PCDH15: variants seen among roughly 807,000 people sequenced by gnomAD.
PCDH15 encodes protocadherin related 15.
Under a neutral mutation model 178.5 loss-of-function variants are expected in PCDH15, and 129 were observed. The observed-to-expected ratio is 0.72, with a 90% CI of 0.63 to 0.84. The LOEUF is 0.84. Ranked by LOEUF, PCDH15 falls within the 40% of genes least tolerant of loss-of-function variation. The pLI, the probability that PCDH15 is intolerant of heterozygous loss-of-function variation, is 0.00. For missense variants in PCDH15, 2,230 were observed against 2,099.9 expected (o/e 1.06, Z -1.21); for synonymous variants, 800 against 732.0 (o/e 1.09, Z -1.50).
At chr10:54,836,338 T>C (rs1169698046) in intron 3 of PCDH15, among the ~76,000 whole-genome samples, 1 of 152,156 alleles carries the variant, frequency 6.6e-6, no homozygotes, top group Non-Finnish European at 1.5e-5. Flanking sequence ...TTGTTTTTAG[T>C]ACATTTAATA....
At chr10:54,116,402 G>A (rs2095113873) in intron 15 of PCDH15, among the ~76,000 whole-genome samples, 2 of 152,158 alleles carry the variant, frequency 1.3e-5, no homozygotes, top group African/African-American at 4.8e-5. Context: ...CACAGAAATG[G>A]ATAAATTGCT....
At chr10:54,736,570 CTCTTCTTCA>C (rs1019301939) in intron 1 of PCDH15, among the ~76,000 whole-genome samples, 1 of 152,044 alleles carries the variant, frequency 6.6e-6, no homozygotes, top group East Asian at 1.9e-4. Context: ...CTAACAAAAA[CTCTTCTTCA>C]TCTCGGCAAA....
At chr10:55,043,096 T>G (rs1471719878) in intron 2 of PCDH15, among the ~76,000 whole-genome samples, 4 of 152,180 alleles carry the variant, frequency 2.6e-5, no homozygotes, top group Admixed American at 6.6e-5. Flanking sequence ...TCCTAAGGAA[T>G]GTTTTTAGAA....
chr10:54,426,370 C>A (rs1416898840), intron 3 of PCDH15, among the ~76,000 whole-genome samples: 1 of 152,244 alleles, frequency 6.6e-6, no homozygotes, highest in East Asian at 1.9e-4. Context: ...TCATAAGGAG[C>A]GTGCAACCTA....
chr10:54,025,824 G>C (rs542734205), intron 18 of PCDH15, among the ~76,000 whole-genome samples: 87 of 151,966 alleles, frequency 5.7e-4, no homozygotes, highest in African/African-American at 2.0e-3. Context: ...AGCCAGCAAT[G>C]GTGGTCAAGC....
In PCDH15 at chr10:55,402,538, T is replaced by C. The variant is rs77577598; in HGVS notation, c.-156+225087A>G. Among the ~76,000 whole-genome samples the C allele has an allele frequency of 7.9e-3, 1,201 of 152,122 alleles. 15 individuals are homozygous for C. Among genetic ancestry groups the C allele is most frequent in the African/African-American group, 0.026 (1,080 of 41,556 alleles). Reference sequence around the variant, plus strand: ...TCTCTCCAGCCTCTAATAACCATTATGCTACTCTCTACTCCACAAGTGAGA... The same window carrying C: ...TCTCTCCAGCCTCTAATAACCATTACGCTACTCTCTACTCCACAAGTGAGA... On this transcript the variant is annotated intron_variant, in intron 2 of 5. Coordinates refer to the PCDH15 transcript ENST00000613346.
intron 1 of PCDH15, among the ~76,000 whole-genome samples, chr10:55,280,509 G>C (rs1290921332): frequency 7.6e-6 from 1 of 132,136 alleles, no homozygotes; most frequent in African/African-American, 2.9e-5. Flanking sequence ...GGCTGCTCTT[G>C]AACTCCTGAC....
rs561867395 is a variant in PCDH15 at position 55,397,779 on chromosome 10, G to A, written c.-156+229846C>T. ...TTTTGTATTTCTAGTATAGATGGGG[G>A]TTTCACCATGTTGTTCAGGCTGGTC... On this transcript the variant is annotated intron_variant, in intron 2 of 5. Coordinates refer to the PCDH15 transcript ENST00000613346. Among the ~76,000 whole-genome samples, 11 of 151,728 alleles carry A rather than the reference G, an allele frequency of 7.2e-5. No individual in the cohort carries two copies. In the East Asian group the frequency reaches 1.8e-3, roughly 24 times the overall value.
At chr10:55,075,793 G>T (rs951296253) in intron 2 of PCDH15, among the ~76,000 whole-genome samples, 19 of 149,782 alleles carry the variant, frequency 1.3e-4, no homozygotes, top group African/African-American at 4.2e-4. Flanking sequence ...GATTTGTTTT[G>T]TTCTTGGTTT....
intron 1 of PCDH15, among the ~76,000 whole-genome samples, chr10:55,173,866 T>C (rs1839408451): frequency 6.6e-6 from 1 of 152,152 alleles, no homozygotes; most frequent in South Asian, 2.1e-4. Context: ...TATTTTCATA[T>C]TAGAAAATTT....
At chr10:55,437,218 T>TTTCAATATAACTG (rs112436954) in intron 2 of PCDH15, among the ~76,000 whole-genome samples, 49 of 151,960 alleles carry the variant, frequency 3.2e-4, no homozygotes, top group Non-Finnish European at 6.3e-4. Flanking sequence ...GGATCTCAAT[T>TTTCAATATAACTG]TAATTGGAGA....
intron 2 of PCDH15, among the ~76,000 whole-genome samples, chr10:55,352,047 T>G (rs1343806707): frequency 1.3e-5 from 2 of 152,172 alleles, no homozygotes; most frequent in African/African-American, 4.8e-5. Flanking sequence ...CATCTTTTTA[T>G]TGTTTATCAG....
intron 5 of PCDH15, among the ~76,000 whole-genome samples, chr10:54,360,256 C>T (rs983831061): frequency 2.0e-5 from 3 of 152,110 alleles, no homozygotes; most frequent in Admixed American, 2.0e-4. Flanking sequence ...TATTGACCTT[C>T]ATTTCCCCTC....
At chr10:55,464,348 T>C (rs1839783073) in intron 2 of PCDH15, among the ~76,000 whole-genome samples, 1 of 152,078 alleles carries the variant, frequency 6.6e-6, no homozygotes, top group Admixed American at 6.6e-5. Context: ...ACATTTATAT[T>C]GTCATTTTGT....
chr10:55,546,400 C>T (rs1841883434), intron 2 of PCDH15, among the ~76,000 whole-genome samples: 1 of 152,018 alleles, frequency 6.6e-6, no homozygotes, highest in South Asian at 2.1e-4. Flanking sequence ...GGAAGATGCA[C>T]TTCAGTGCTG....
chr10:53,866,191 T>G (rs923918465), intron 27 of PCDH15, among the ~76,000 whole-genome samples: 2 of 152,108 alleles, frequency 1.3e-5, no homozygotes, highest in Non-Finnish European at 2.9e-5. Context: ...TCCCCAAACA[T>G]TTTCTTTGTT....
At chr10:54,656,047 C>T (rs1484393275) in intron 2 of PCDH15, 2 of 152,170 alleles carry the variant, frequency 1.3e-5, no homozygotes, top group African/African-American at 4.8e-5. Context: ...ATTTTGCCAT[C>T]TAACGAAAAC....
chr10:55,479,888 A>C (rs750142168), intron 2 of PCDH15, among the ~76,000 whole-genome samples: 2 of 151,770 alleles, frequency 1.3e-5, no homozygotes, highest in Non-Finnish European at 3.0e-5. Context: ...CAAAGAAATC[A>C]AGAGATTAAT....
At chr10:54,953,097 C>T (rs945546971) in intron 2 of PCDH15, among the ~76,000 whole-genome samples, 1 of 151,528 alleles carries the variant, frequency 6.6e-6, no homozygotes, top group African/African-American at 2.4e-5. Context: ...CCTAGTTTCT[C>T]ACCATTAAGT....
Sources: gnomAD v4.1 joint callset for allele counts (sites outside exome capture counted in the v4.1 genomes callset) on GRCh38, gnomAD v4.1.1 for gene constraint, MANE v1.5 for transcripts, NCBI Gene and HGNC (gene_info 2026-07-23, HGNC 2026-07-21) for gene names.